The following NLRC5 variants were observed in gnomAD, a reference collection of about 807,000 sequenced individuals.
NLRC5 encodes the protein protein NLRC5.
In NLRC5, 114 loss-of-function variants were observed where a neutral mutation model predicts 206.9. The observed-to-expected ratio is 0.55, with a 90% CI of 0.47 to 0.64. The LOEUF (loss-of-function observed/expected upper bound fraction) is 0.64. Among genes scored for constraint, NLRC5 ranks in the 30% least tolerant of loss-of-function variants. The pLI is 0.00. For synonymous variants in NLRC5, 952 were observed against 962.8 expected, an observed-to-expected ratio of 0.99 and a Z score of 0.21; for missense variants, 2,008 against 2,305.5, an observed-to-expected ratio of 0.87 and a Z score of 2.64.
chr16:57,043,675 C>A, intron 20 of NLRC5, 71 bp downstream of exon 20: 1 of 1,235,928 alleles, frequency 8.1e-7, no homozygotes, highest in Non-Finnish European at 1.2e-6. Flanking sequence ...CCCACGTGGG[C>A]CCCTTGTCCA....
chr16:57,021,822 C>T (rs563501260), intron 3 of NLRC5, among the ~76,000 whole-genome samples: 6 of 152,128 alleles, frequency 3.9e-5, no homozygotes, highest in Non-Finnish European at 8.8e-5. Context: ...GGGGCAACAG[C>T]GTTTTTGGAG....
chr16:57,041,647 G>C (rs1354037426), intron 18 of NLRC5, 73 bp downstream of exon 18: 1 of 1,289,656 alleles, frequency 7.8e-7, no homozygotes, highest in African/African-American at 1.5e-5. Flanking sequence ...GTTTGGGTTT[G>C]GTTTTTAAGA....
At chr16:57,016,801 A>G (rs1207795539) in intron 1 of NLRC5, among the ~76,000 whole-genome samples, 4 of 152,172 alleles carry the variant, frequency 2.6e-5, no homozygotes. Flanking sequence ...TGTAAGGTGC[A>G]TATCTGAATT....
chr16:57,060,346 C>G (rs1384650994), intron 30 of NLRC5, among the ~76,000 whole-genome samples: 1 of 151,816 alleles, frequency 6.6e-6, no homozygotes, highest in South Asian at 2.1e-4. Flanking sequence ...CACCATGTTC[C>G]TTCCCACCTC....
intron 46 of NLRC5, among the ~76,000 whole-genome samples, chr16:57,080,145 G>A (rs751677257): frequency 2.0e-4 from 31 of 152,096 alleles, no homozygotes; most frequent in South Asian, 2.1e-4. Context: ...GACTAGCCTG[G>A]GACCCTAACC....
chr16:57,043,599 C>A lies in NLRC5; in HGVS notation c.3198C>A (p.Asp1066Glu). The change falls in exon 20 of 49, where the codon GAC becomes GAA. Residue 1066 changes from aspartate to glutamate, a missense_variant. Transcript: ENST00000688547. ...FSTLQWLFRLDISFESQHILL... is the reference protein window; with the variant it reads ...FSTLQWLFRLEISFESQHILL... ...CTCTGCAGTGGCTCTTCCGCTTGGACATCAGGTGAGCGTGCCTCTCCGCCC... is the reference window on the plus strand; with the variant it reads ...CTCTGCAGTGGCTCTTCCGCTTGGAAATCAGGTGAGCGTGCCTCTCCGCCC... 1 of 1,613,584 alleles carries A rather than the reference C, an allele frequency of 6.2e-7. No individual in the cohort carries two copies. The highest frequency in any genetic ancestry group is 8.5e-7 in the Non-Finnish European group (1 of 1,179,518).
intron 11 of NLRC5, among the ~76,000 whole-genome samples, chr16:57,032,264 G>T (rs12598913): frequency 6.6e-6 from 1 of 151,564 alleles, no homozygotes; most frequent in Admixed American, 6.6e-5. Flanking sequence ...GGCAGGCGTG[G>T]TGGTGCACAC....
At chr16:57,004,119 GT>G (rs1567510406) in intron 1 of NLRC5, 1 of 152,498 alleles carries the variant, frequency 6.6e-6, no homozygotes, top group African/African-American at 2.4e-5. Flanking sequence ...GAAAGGGGAC[GT>G]GAGGTAGGGA....
At chr16:57,067,051 T>C (rs2067154550) in intron 34 of NLRC5, among the ~76,000 whole-genome samples, 1 of 152,116 alleles carries the variant, frequency 6.6e-6, no homozygotes, top group African/African-American at 2.4e-5. Flanking sequence ...CACCTCTAAA[T>C]CCATATGGCA....
At chr16:56,999,327 A>G (rs538903053) in intron 1 of NLRC5, among the ~76,000 whole-genome samples, 97 of 152,340 alleles carry the variant, frequency 6.4e-4, no homozygotes, top group African/African-American at 2.2e-3. Context: ...TCTGCTGAGA[A>G]GTTTAGTGGT....
Position 57,026,155 on chromosome 16 carries a change from G to C in NLRC5, c.1212G>C (p.Ala404=). The change falls in exon 6 of 49, where the codon GCG becomes GCC. Residue 404 remains alanine, a synonymous_variant. Coordinates refer to ENST00000688547, the MANE Select transcript of NLRC5 (RefSeq NM_001384950.1). The stretch of plus-strand genomic sequence containing the variant: ...ATGGACGTCTCCGAAGCCTGTGTGC[G>C]GTGCCCGCACTGTGCCAAGTCGCCT... The part of the protein sequence containing the change: ...QTNGRLRSLC[A]VPALCQVACL... 1 of 1,613,944 alleles carries C rather than the reference G, an allele frequency of 6.2e-7. No individual in the cohort carries two copies. Among genetic ancestry groups the C allele is most frequent in the East Asian group, 2.2e-5 (1 of 44,882 alleles).
intron 32 of NLRC5, among the ~76,000 whole-genome samples, chr16:57,062,978 A>C (rs2144718406): frequency 6.6e-6 from 1 of 151,644 alleles, no homozygotes; most frequent in East Asian, 1.9e-4. Flanking sequence ...TGCTCTAAAT[A>C]GTTTATATGA....
chr16:57,013,627 T>C (rs1182497430), intron 1 of NLRC5: 3 of 1,021,822 alleles, frequency 2.9e-6, no homozygotes, highest in Admixed American at 1.7e-5. Flanking sequence ...ACTGGGCCAT[T>C]GTTTTTGCCA....
Position 57,008,719 on chromosome 16 carries a change from G to A in NLRC5, c.-127-8355G>A, listed in dbSNP as rs1364289525. Among the ~76,000 whole-genome samples, 3 of 143,262 alleles carry A rather than the reference G, an allele frequency of 2.1e-5. No homozygotes were observed. In the East Asian group the frequency reaches 6.5e-4, roughly 31 times the overall value. The allele number at this position is 143,262 out of a possible 152,430, so 94.0% of individuals were successfully genotyped here. A position where few individuals can be genotyped will look rare whatever the true frequency, so the allele number is the denominator to read the frequency against. On this transcript the variant is annotated intron_variant, in intron 1 of 48. Coordinates refer to ENST00000688547, the MANE Select transcript of NLRC5 (RefSeq NM_001384950.1). ...ATACATTTATCGAAATTGGCCAAAA[G>A]TGTTTTATTATTTTTTAAAAGAAAA...
At chr16:57,024,805 T>C in intron 5 of NLRC5, among the ~76,000 whole-genome samples, 1 of 152,312 alleles carries the variant, frequency 6.6e-6, no homozygotes, top group Non-Finnish European at 1.5e-5. Flanking sequence ...AGCCCAGGAA[T>C]TCAATACTAG....
intron 10 of NLRC5, among the ~76,000 whole-genome samples, chr16:57,030,382 AGATGGATGGATG>A (rs57070160): frequency 1.6e-4 from 17 of 105,032 alleles, no homozygotes; most frequent in African/African-American, 6.1e-4. Context: ...GTGGATGAAA[AGATGGATGGATG>A]GATGGATGGA....
Position 57,023,830 on chromosome 16 carries a change from A to G in NLRC5, c.401A>G (p.Lys134Arg). The stretch of plus-strand genomic sequence containing the variant: ...AGCTGTGGGTCCTCACCCCGCCGGA[A>G]GCAGTGCAAGAAGCAGCAGCTAGGT... Reference protein sequence around the residue: ...HQSCGSSPRRKQCKKQQLELA... With the variant: ...HQSCGSSPRRRQCKKQQLELA... Residue 134 changes from lysine (K) to arginine (R), a missense_variant, in exon 5 of 49, where the codon AAG becomes AGG. Transcript: ENST00000688547. The G allele has an allele frequency of 6.2e-7, 1 of 1,612,024 alleles. No homozygotes were observed. Among genetic ancestry groups the G allele is most frequent in the Non-Finnish European group, 8.5e-7 (1 of 1,179,006 alleles).
chr16:57,063,524 G>C (rs2066767269), intron 32 of NLRC5, among the ~76,000 whole-genome samples: 1 of 152,134 alleles, frequency 6.6e-6, no homozygotes, highest in East Asian at 1.9e-4. Context: ...GTGCCCAATT[G>C]ACAGTCCCTG....
intron 2 of NLRC5, among the ~76,000 whole-genome samples, chr16:57,018,309 G>A (rs535940388): frequency 6.6e-6 from 1 of 152,334 alleles, no homozygotes; most frequent in South Asian, 2.1e-4. Context: ...CAAGGCCTTG[G>A]AAATTTACTG....
Sources: allele counts gnomAD v4.1 joint callset (sites outside exome capture counted in the v4.1 genomes callset), GRCh38; gene constraint gnomAD v4.1.1; transcripts MANE v1.5; gene names NCBI Gene and HGNC (gene_info 2026-07-23, HGNC 2026-07-21).